The following MYZAP variants were observed in gnomAD, a reference collection of about 807,000 sequenced individuals.
The protein encoded by MYZAP is GRINL1A complex locus upstream.
In MYZAP, 66 loss-of-function variants were observed where a neutral mutation model predicts 69.4. The ratio of observed to expected loss-of-function variants is 0.95; its 90% confidence interval spans 0.78 to 1.17. The LOEUF (loss-of-function observed/expected upper bound fraction) is 1.17. Among genes scored for constraint, MYZAP ranks in the 50% most tolerant of loss-of-function variants. The pLI, the probability that MYZAP is intolerant of heterozygous loss-of-function variation, is 0.00. For missense variants in MYZAP, 611 were observed against 556.2 expected, an observed-to-expected ratio of 1.10 and a Z score of -0.99; for synonymous variants, 256 against 205.9, an observed-to-expected ratio of 1.24 and a Z score of -2.09.
intron 9 of MYZAP, 100 bp from the exon 10 acceptor site, chr15:57,639,340 C>A: frequency 1.5e-6 from 2 of 1,291,056 alleles, no homozygotes; most frequent in Non-Finnish European, 1.1e-6. Flanking sequence ...AGCCGCCATG[C>A]TTGGCGCTCT....
At chr15:57,674,612 G>C (rs1006232253) in intron 11 of MYZAP, among the ~76,000 whole-genome samples, 4 of 152,118 alleles carry the variant, frequency 2.6e-5, no homozygotes, top group African/African-American at 9.7e-5. Context: ...CCATAGAATG[G>C]AATACTATTA....
chr15:57,650,462 C>T (rs1172918190), intron 10 of MYZAP, among the ~76,000 whole-genome samples: 1 of 152,166 alleles, frequency 6.6e-6, no homozygotes, highest in Non-Finnish European at 1.5e-5. Context: ...GTCATAGGTG[C>T]TGGAAACACA....
chr15:57,609,861 G>C (rs1224125134), intron 2 of MYZAP, among the ~76,000 whole-genome samples: 3 of 152,164 alleles, frequency 2.0e-5, no homozygotes, highest in Admixed American at 2.0e-4. Context: ...TTAAGTACCT[G>C]TTGTTTTCAA....
chr15:57,641,274 T>C (rs754407338), intron 10 of MYZAP, among the ~76,000 whole-genome samples: 2 of 152,184 alleles, frequency 1.3e-5, no homozygotes, highest in Non-Finnish European at 2.9e-5. Context: ...AAAAGACATT[T>C]TCAAAGAAGT....
In MYZAP at chr15:57,625,903, G is replaced by A; in HGVS notation, c.525+11G>A. On this transcript the variant is annotated intron_variant, in intron 5 of 12. Transcript: ENST00000267853. ...TCCATTGGCCTGCAGGTACTCATCT[G>A]CTTACTGCTATGACAGGGCAACCCA... The A allele has an allele frequency of 6.2e-7, 1 of 1,612,660 alleles. No individual in the cohort carries two copies. Among genetic ancestry groups the A allele is most frequent in the South Asian group, 1.1e-5 (1 of 91,020 alleles).
intron 2 of MYZAP, among the ~76,000 whole-genome samples, chr15:57,610,920 G>A (rs1465841991): frequency 1.3e-5 from 2 of 152,184 alleles, no homozygotes; most frequent in Non-Finnish European, 1.5e-5. Flanking sequence ...CACTTTGGGG[G>A]TGAATATTTC....
At chr15:57,623,370 A>G (rs769177581) in intron 4 of MYZAP, among the ~76,000 whole-genome samples, 1 of 152,248 alleles carries the variant, frequency 6.6e-6, no homozygotes, top group African/African-American at 2.4e-5. Flanking sequence ...GGAAAGACAT[A>G]AGGATAGATT....
At chr15:57,640,845 C>T (rs2037110624) in intron 10 of MYZAP, among the ~76,000 whole-genome samples, 1 of 152,196 alleles carries the variant, frequency 6.6e-6, no homozygotes, top group African/African-American at 2.4e-5. Flanking sequence ...ACGCACGCAT[C>T]TTTGCAATCG....
chr15:57,684,249 G>A (rs1181988540), intron 12 of MYZAP, among the ~76,000 whole-genome samples, 153 bp from the exon 13 acceptor site: 1 of 152,144 alleles, frequency 6.6e-6, no homozygotes, highest in South Asian at 2.1e-4. Flanking sequence ...TGCAGGGCCT[G>A]TTTGTAATAT....
At chr15:57,623,855 G>A (rs779696538) in intron 4 of MYZAP, among the ~76,000 whole-genome samples, 11 of 148,492 alleles carry the variant, frequency 7.4e-5, no homozygotes, top group Non-Finnish European at 1.5e-4. Flanking sequence ...GATACAGAAA[G>A]ATGTAGACGG....
At chr15:57,617,855 A>G (rs1307840983) in intron 2 of MYZAP, among the ~76,000 whole-genome samples, 178 bp from the exon 3 acceptor site, 1 of 152,196 alleles carries the variant, frequency 6.6e-6, no homozygotes, top group Non-Finnish European at 1.5e-5. Context: ...GCCCAAGCCT[A>G]TGCCAAATCA....
intron 2 of MYZAP, among the ~76,000 whole-genome samples, chr15:57,605,473 A>T (rs2140338838): frequency 6.6e-6 from 1 of 152,340 alleles, no homozygotes; most frequent in South Asian, 2.1e-4. Flanking sequence ...TAATGTGGTC[A>T]ACTATAAAAA....
intron 3 of MYZAP, among the ~76,000 whole-genome samples, 174 bp from the exon 4 acceptor site, chr15:57,621,434 G>A (rs936618868): frequency 2.0e-5 from 3 of 151,898 alleles, no homozygotes; most frequent in African/African-American, 7.3e-5. Context: ...GGGTGGTCTC[G>A]ATCTCCTGAC....
intron 6 of MYZAP, 117 bp downstream of exon 6, chr15:57,629,971 A>AATTTTTTTTTT (rs2036400327): frequency 2.3e-6 from 2 of 875,256 alleles, no homozygotes; most frequent in South Asian, 1.9e-5. Context: ...TCTTCATTGG[A>AATTTTTTTTTT]TTTTTTTTTT....
intron 10 of MYZAP, among the ~76,000 whole-genome samples, chr15:57,644,746 G>A (rs750650612): frequency 9.2e-5 from 14 of 152,278 alleles, no homozygotes; most frequent in Admixed American, 5.9e-4. Flanking sequence ...GATTACAGGC[G>A]TGAGCCACTA....
At chr15:57,623,797 T>C (rs1477795003) in intron 4 of MYZAP, among the ~76,000 whole-genome samples, 2 of 132,868 alleles carry the variant, frequency 1.5e-5, no homozygotes, top group Non-Finnish European at 3.4e-5. Flanking sequence ...TATGCAGTTG[T>C]AAATTAAAAA....
rs770540454 is a variant in MYZAP, at chr15:57,593,212, A to ACACACACACACACACACACACTCACT, written c.75+1106_75+1107insACACACACACACACACACTCACTCAC. Among the ~76,000 whole-genome samples the ACACACACACACACACACACACTCACT allele has an allele frequency of 7.1e-4, 89 of 124,988 alleles. 1 individual carries two copies. Among genetic ancestry groups the ACACACACACACACACACACACTCACT allele is most frequent in the African/African-American group, 3.0e-3 (88 of 29,490 alleles). The allele number at this position is 124,988 out of a possible 152,430, so 82.0% of individuals were successfully genotyped here. A position where few individuals can be genotyped will look rare whatever the true frequency, so the allele number is the denominator to read the frequency against. On this transcript the variant is annotated intron_variant, in intron 1 of 12. Coordinates refer to ENST00000267853, the MANE Select transcript of MYZAP (RefSeq NM_001018100.5). ...CGCACACACACACACACACACACAC[A>ACACACACACACACACACACACTCACT]CACCCCAGAATCCATCAGTTGGCTC...
chr15:57,594,694 A>G (rs1417270975), intron 1 of MYZAP, among the ~76,000 whole-genome samples: 2 of 152,228 alleles, frequency 1.3e-5, no homozygotes, highest in Non-Finnish European at 2.9e-5. Flanking sequence ...AAATCATCAA[A>G]TGATGCATTT....
chr15:57,602,683 A>G (rs150816089), intron 1 of MYZAP, among the ~76,000 whole-genome samples: 10 of 152,342 alleles, frequency 6.6e-5, no homozygotes, highest in African/African-American at 2.4e-4. Context: ...GACCATGAGT[A>G]TAAGAGCTAA....
Sources: gnomAD v4.1 joint callset for allele counts (sites outside exome capture counted in the v4.1 genomes callset) on GRCh38, gnomAD v4.1.1 for gene constraint, MANE v1.5 for transcripts, NCBI Gene and HGNC (gene_info 2026-07-23, HGNC 2026-07-21) for gene names.